ARID4B: variants seen among roughly 807,000 people sequenced by gnomAD.
ARID4B encodes AT-rich interaction domain 4B, also known as AT-rich interactive domain-containing protein 4B.
In ARID4B, 26 loss-of-function variants were observed where a neutral mutation model predicts 147.5. The observed-to-expected ratio is 0.18, with a 90% CI of 0.13 to 0.24. The LOEUF (loss-of-function observed/expected upper bound fraction) is 0.24. ARID4B is among the 10% of genes least tolerant of loss of function. The pLI is 1.00. For synonymous variants in ARID4B, 512 were observed against 507.9 expected (o/e 1.01, Z -0.11); for missense variants, 1,179 against 1,511.5 (o/e 0.78, Z 3.65).
intron 6 of ARID4B, among the ~76,000 whole-genome samples, chr1:235,247,732 T>C (rs969007953): frequency 5.9e-5 from 9 of 152,146 alleles, no homozygotes; most frequent in Non-Finnish European, 1.3e-4. Context: ...CTCACGCCTA[T>C]AATCCCAGCA....
intron 2 of ARID4B, among the ~76,000 whole-genome samples, chr1:235,265,712 GA>G (rs919540356): frequency 1.0e-3 from 152 of 150,560 alleles, no homozygotes; most frequent in African/African-American, 2.0e-3. Flanking sequence ...AAAAAGAAAA[GA>G]AAAAAAAGGG....
At chr1:235,313,001 G>C (rs1368392788) in intron 2 of ARID4B, among the ~76,000 whole-genome samples, 1 of 149,990 alleles carries the variant, frequency 6.7e-6, no homozygotes, top group Non-Finnish European at 1.5e-5. Context: ...GAAAAGAAAA[G>C]GGTTCTTTGA....
At chr1:235,224,981 A>T (rs1175535943) in intron 11 of ARID4B, among the ~76,000 whole-genome samples, 1 of 152,206 alleles carries the variant, frequency 6.6e-6, no homozygotes, top group Non-Finnish European at 1.5e-5. Flanking sequence ...TGCCTTAAAA[A>T]GTATCCCAAT....
At chr1:235,325,856 T>C (rs1340626549) in intron 2 of ARID4B, among the ~76,000 whole-genome samples, 1 of 152,228 alleles carries the variant, frequency 6.6e-6, no homozygotes, top group Non-Finnish European at 1.5e-5. Context: ...GCCACAGCTT[T>C]TACCTTCTAC....
intron 16 of ARID4B, among the ~76,000 whole-genome samples, chr1:235,215,508 A>G (rs1032167071): frequency 4.7e-5 from 7 of 149,632 alleles, no homozygotes; most frequent in Non-Finnish European, 1.0e-4. Context: ...AAGAGTAATG[A>G]TTATATATAT....
intron 17 of ARID4B, among the ~76,000 whole-genome samples, chr1:235,196,625 G>A (rs1030479448): frequency 2.0e-5 from 3 of 151,980 alleles, no homozygotes; most frequent in Non-Finnish European, 4.4e-5. Context: ...AGACCAAGGC[G>A]GGCAGATCAC....
intron 2 of ARID4B, among the ~76,000 whole-genome samples, chr1:235,275,851 C>G (rs1043993327): frequency 6.6e-6 from 1 of 152,164 alleles, no homozygotes; most frequent in Non-Finnish European, 1.5e-5. Context: ...ATACAAAAAT[C>G]CTGGGCTGGG....
At chr1:235,284,847 A>C (rs1238827579) in intron 2 of ARID4B, among the ~76,000 whole-genome samples, 2 of 152,150 alleles carry the variant, frequency 1.3e-5, no homozygotes, top group African/African-American at 4.8e-5. Flanking sequence ...TGGGCAACAT[A>C]GCAAAACCAC....
At chr1:235,277,595 TGTG>T (rs1558271308) in intron 2 of ARID4B, among the ~76,000 whole-genome samples, 1 of 256 alleles carries the variant, frequency 3.9e-3, no homozygotes, top group Non-Finnish European at 0.016. Context: ...TGCCTTATAT[TGTG>T]TGTGTGTGTG....
chr1:235,211,286 C>A (rs1172528243), intron 17 of ARID4B, among the ~76,000 whole-genome samples: 1 of 152,066 alleles, frequency 6.6e-6, no homozygotes, highest in Non-Finnish European at 1.5e-5. Flanking sequence ...AGCCAAGATC[C>A]AGCCACTGCA....
intron 21 of ARID4B, chr1:235,176,603 C>T (rs1272198629): frequency 4.3e-6 from 1 of 232,786 alleles, no homozygotes; most frequent in African/African-American, 2.2e-5. Flanking sequence ...CCTCCCAGCT[C>T]CCCCACTGCT....
chr1:235,326,903 G>A lies in ARID4B; in HGVS notation c.6+11C>T, dbSNP rs373779516. On this transcript the variant is annotated intron_variant, in intron 2 of 23. Transcript: ENST00000264183. ...TAACCCCAGAGATTCGTTTTCCGCA[G>A]GCAATCTTACCTTCATGATGACTCT... 1.3e-4 allele frequency: 217 copies of A among 1,613,900 alleles called. No homozygotes were observed. The highest frequency in any genetic ancestry group is 1.8e-4 in the Non-Finnish European group (210 of 1,179,924).
chr1:235,243,960 T>C (rs537855092), intron 7 of ARID4B, among the ~76,000 whole-genome samples: 2 of 152,296 alleles, frequency 1.3e-5, no homozygotes, highest in African/African-American at 4.8e-5. Flanking sequence ...TTAGTGATGA[T>C]AGTTACACAA....
At chr1:235,238,066 C>T (rs1668723858) in intron 8 of ARID4B, among the ~76,000 whole-genome samples, 1 of 150,864 alleles carries the variant, frequency 6.6e-6, no homozygotes, top group Admixed American at 6.6e-5. Flanking sequence ...ATCACTTGAA[C>T]CTGGGAGGCG....
intron 17 of ARID4B, among the ~76,000 whole-genome samples, chr1:235,208,859 A>C (rs528976656): frequency 2.5e-4 from 38 of 152,130 alleles, no homozygotes; most frequent in Non-Finnish European, 5.1e-4. Flanking sequence ...GTATTTTTCT[A>C]AATTGTTATT....
At chr1:235,276,087 G>A (rs897688560) in intron 2 of ARID4B, among the ~76,000 whole-genome samples, 8 of 150,798 alleles carry the variant, frequency 5.3e-5, no homozygotes, top group African/African-American at 2.0e-4. Context: ...GCAGCAAGCT[G>A]TGATCACACC....
chr1:235,324,735 G>A (rs901523413), intron 2 of ARID4B, among the ~76,000 whole-genome samples: 4 of 152,198 alleles, frequency 2.6e-5, no homozygotes, highest in Admixed American at 1.3e-4. Context: ...CCAGAAGTTC[G>A]ACACCAGCCT....
At chr1:235,293,371 T>G (rs1672469507) in intron 2 of ARID4B, among the ~76,000 whole-genome samples, 1 of 152,208 alleles carries the variant, frequency 6.6e-6, no homozygotes, top group South Asian at 2.1e-4. Context: ...CCAAACATTG[T>G]AACTTCACAA....
Position 235,183,310 on chromosome 1 carries a change from G to C in ARID4B, c.2126-517C>G, listed in dbSNP as rs1297983953. Among the ~76,000 whole-genome samples, 6 of 151,428 alleles carry C rather than the reference G, an allele frequency of 4.0e-5. No homozygotes were observed. The South Asian group carries it at 1.0e-3, about 26-fold the overall frequency. On this transcript the variant is annotated intron_variant, in intron 19 of 23. Transcript: ENST00000264183. ...AGCAAGCTCTGCCTCCTGGGTTCAC[G>C]CCATTCTCCTGCCTCAGCCTCCTGA...
Sources: gnomAD v4.1 joint callset for allele counts (sites outside exome capture counted in the v4.1 genomes callset) on GRCh38, gnomAD v4.1.1 for gene constraint, MANE v1.5 for transcripts, NCBI Gene and HGNC (gene_info 2026-07-23, HGNC 2026-07-21) for gene names.